ADAMTS18: variants seen among roughly 807,000 people sequenced by gnomAD.
ADAMTS18 encodes A disintegrin and metalloproteinase with thrombospondin motifs 18.
A neutral mutation model predicts 165.9 loss-of-function variants in ADAMTS18; 157 were observed. The ratio of observed to expected loss-of-function variants is 0.95; its 90% CI spans 0.83 to 1.08. ADAMTS18 has a LOEUF of 1.08. Among genes scored for constraint, ADAMTS18 ranks in the 50% least tolerant of loss-of-function variants. The probability of loss-of-function intolerance (pLI) is 0.00; values close to 1 mark genes in which losing one functional copy is unlikely to be tolerated. For synonymous variants in ADAMTS18, 782 were observed against 578.2 expected (o/e 1.35, Z -5.06); for missense variants, 2,040 against 1,534.0 (o/e 1.33, Z -5.51).
rs1218310627 is a variant in ADAMTS18 at position 77,283,046 on chromosome 16, C to T, written c.*910G>A. ...GTACAGAGCATTATAAATGATGGTC[C>T]TTTCTCCCTCAAAACACTGCTGTGT... On this transcript the variant is annotated 3_prime_UTR_variant, in exon 23 of 23. Coordinates refer to ENST00000282849, the MANE Select transcript of ADAMTS18 (RefSeq NM_199355.4). 1 of 151,788 alleles carries T rather than the reference C, an allele frequency of 6.6e-6. No individual in the cohort carries two copies. Among genetic ancestry groups the T allele is most frequent in the Non-Finnish European group, 1.5e-5 (1 of 67,978 alleles). 9.4% of individuals were successfully genotyped at this position (151,788 alleles called of 1,614,324 possible).
At chr16:77,316,922 A>T (rs79383578) in intron 16 of ADAMTS18, among the ~76,000 whole-genome samples, 2 of 151,932 alleles carry the variant, frequency 1.3e-5, no homozygotes, top group African/African-American at 2.4e-5. Flanking sequence ...CTACCTCAGC[A>T]TCCCAAAGTG....
rs2055172840 is a variant in ADAMTS18 at position 77,282,891 on chromosome 16, C to G, written c.*1065G>C. ...TGGATTTTTTTATTACCACTGTTTA[C>G]TCCTTTCTTTCTCTCTTTTTTTTTT... On this transcript the variant is annotated 3_prime_UTR_variant, in exon 23 of 23. Coordinates refer to ENST00000282849, the MANE Select transcript of ADAMTS18 (RefSeq NM_199355.4). 7.3e-6 allele frequency: 1 copy of G among 136,996 alleles called. No homozygotes were observed. The highest frequency in any genetic ancestry group is 2.7e-5 in the African/African-American group (1 of 37,692). 8.5% of individuals were successfully genotyped at this position (136,996 alleles called of 1,614,324 possible).
intron 3 of ADAMTS18, among the ~76,000 whole-genome samples, chr16:77,418,883 G>C (rs969530043): frequency 1.3e-5 from 2 of 152,220 alleles, no homozygotes; most frequent in African/African-American, 4.8e-5. Context: ...GAGTGCGGCA[G>C]CTCACGCCTG....
rs1597181028 is a variant in ADAMTS18 at position 77,367,828 on chromosome 16, G to A, written c.496-105C>T. ...GACTAATTCCTGTATGTGGGCACAG[G>A]AGCTAAAAGCTTCACACATATTGCC... On this transcript the variant is annotated intron_variant, in intron 3 of 22. Transcript: ENST00000282849. 32 of 1,342,808 alleles carry A rather than the reference G, an allele frequency of 2.4e-5. No individual in the cohort carries two copies. The South Asian group carries it at 3.7e-4, about 15-fold the overall frequency. The allele number at this position is 1,342,808 out of a possible 1,614,324, so 83.2% of individuals were successfully genotyped here.
intron 3 of ADAMTS18, among the ~76,000 whole-genome samples, chr16:77,388,181 C>T (rs1168713873): frequency 6.6e-6 from 1 of 152,200 alleles, no homozygotes; most frequent in African/African-American, 2.4e-5. Flanking sequence ...CTCACTGCAA[C>T]CTCCGCCTCC....
At chr16:77,290,056 T>A (rs774525610) in intron 21 of ADAMTS18, among the ~76,000 whole-genome samples, 4 of 152,132 alleles carry the variant, frequency 2.6e-5, no homozygotes, top group Non-Finnish European at 5.9e-5. Flanking sequence ...AATGGATTTT[T>A]CTTATTTTAA....
chr16:77,431,183 CA>C, intron 3 of ADAMTS18, 111 bp downstream of exon 3: 2 of 1,120,602 alleles, frequency 1.8e-6, no homozygotes, highest in Non-Finnish European at 2.7e-6. Context: ...TCAAGGCTGA[CA>C]GTGTGAATGT....
At chr16:77,297,664 T>C (rs1371955265) in intron 17 of ADAMTS18, among the ~76,000 whole-genome samples, 1 of 152,080 alleles carries the variant, frequency 6.6e-6, no homozygotes, top group Non-Finnish European at 1.5e-5. Flanking sequence ...CTGATGTGGA[T>C]ACTAGAACCA....
chr16:77,418,694 C>T (rs979932064), intron 3 of ADAMTS18, among the ~76,000 whole-genome samples: 1 of 152,172 alleles, frequency 6.6e-6, no homozygotes, highest in African/African-American at 2.4e-5. Context: ...TCTCTTTGGG[C>T]TTACTGTCTT....
chr16:77,346,796 C>A (rs1488904727), intron 10 of ADAMTS18, among the ~76,000 whole-genome samples: 1 of 152,112 alleles, frequency 6.6e-6, no homozygotes, highest in Non-Finnish European at 1.5e-5. Flanking sequence ...TGCCCCGATG[C>A]CATTTTAAAA....
In ADAMTS18 at chr16:77,293,217, G is replaced by T; in HGVS notation, c.3048C>A (p.Leu1016=). Residue 1016 remains leucine, a synonymous_variant, in exon 20 of 23, where the codon CTC becomes CTA. Coordinates refer to ENST00000282849, the MANE Select transcript of ADAMTS18 (RefSeq NM_199355.4). ...TCGRGVRKRE[L]LCKGSAAETL... ...TTTCTGCGGCAGAGCCCTTGCAGAGGAGTTCACGCTTCCTCACCCCTCGTC... is the reference window on the plus strand; with the variant it reads ...TTTCTGCGGCAGAGCCCTTGCAGAGTAGTTCACGCTTCCTCACCCCTCGTC... 1 of 1,613,896 alleles carries T rather than the reference G, an allele frequency of 6.2e-7. No homozygotes were observed. The highest frequency in any genetic ancestry group is 8.5e-7 in the Non-Finnish European group (1 of 1,179,968).
Position 77,291,209 on chromosome 16 carries a change from G to A in ADAMTS18, c.3402+57C>T, listed in dbSNP as rs910213529. 111 of 1,571,498 alleles carry A rather than the reference G, an allele frequency of 7.1e-5. 1 individual carries two copies. In the East Asian group the frequency reaches 1.4e-3, roughly 20 times the overall value. On this transcript the variant is annotated intron_variant, in intron 21 of 22. Coordinates refer to ENST00000282849, the MANE Select transcript of ADAMTS18 (RefSeq NM_199355.4). ...GACTAAGAGCAACTGTTTGCAGAAC[G>A]CCTCATTTTTCGACATCTCACTTGA...
intron 16 of ADAMTS18, among the ~76,000 whole-genome samples, 192 bp downstream of exon 16, chr16:77,319,657 G>A (rs1404330958): frequency 6.6e-6 from 1 of 152,032 alleles, no homozygotes; most frequent in Non-Finnish European, 1.5e-5. Flanking sequence ...TGGCTAGGGT[G>A]GTCTCCAACT....
Position 77,391,071 on chromosome 16 carries a change from C to CAA in ADAMTS18, c.496-23349_496-23348insTT, listed in dbSNP as rs1233892305. 2.8e-4 allele frequency among the ~76,000 whole-genome samples: 42 copies of CAA among 152,228 alleles called. No homozygotes were observed. In the East Asian group the frequency reaches 7.9e-3, roughly 29 times the overall value. On this transcript the variant is annotated intron_variant, in intron 3 of 22. Transcript: ENST00000282849. Reference sequence around the variant, plus strand: ...ACATTTACATTTTGTTTTTCCTTTTCATCTAAAAGACATCAAGCCACTTCT... The same window carrying CAA: ...ACATTTACATTTTGTTTTTCCTTTTCAAATCTAAAAGACATCAAGCCACTTCT...
chr16:77,285,503 C>T (rs550779278), intron 22 of ADAMTS18, among the ~76,000 whole-genome samples: 2 of 150,972 alleles, frequency 1.3e-5, no homozygotes, highest in Non-Finnish European at 2.9e-5. Context: ...ACAGTTTTGA[C>T]TTTAAAAATA....
At position 77,399,100 on chromosome 16, in the gene ADAMTS18, T is replaced by C. The variant is rs139154714; in HGVS notation, c.496-31377A>G. ...TGCCTCCCACCCCACTTTCATTCCA[T>C]GTGATTCAGCTAGAAGCTAGACCCA... On this transcript the variant is annotated intron_variant, in intron 3 of 22. Transcript: ENST00000282849. 3.3e-5 allele frequency among the ~76,000 whole-genome samples: 5 copies of C among 152,306 alleles called. No individual in the cohort carries two copies. In the East Asian group the frequency reaches 9.6e-4, roughly 29 times the overall value.
At chr16:77,308,289 C>T (rs2055717619) in intron 16 of ADAMTS18, among the ~76,000 whole-genome samples, 4 of 152,176 alleles carry the variant, frequency 2.6e-5, no homozygotes, top group Admixed American at 1.3e-4. Context: ...TCATGTCATA[C>T]TGAATCACTT....
rs190554761 is a variant in ADAMTS18 at position 77,419,169 on chromosome 16, A to T, written c.495+12126T>A. Among the ~76,000 whole-genome samples, 54 of 152,016 alleles carry T rather than the reference A, an allele frequency of 3.6e-4. 1 individual carries two copies. In the East Asian group the frequency reaches 0.01, roughly 29 times the overall value. ...ATCTCAGGGGGAAAAAAAATCAATT[A>T]TTAACTCCCAGTTGTGTAAGTCTGA... On this transcript the variant is annotated intron_variant, in intron 3 of 22. Transcript: ENST00000282849.
intron 16 of ADAMTS18, among the ~76,000 whole-genome samples, chr16:77,313,861 T>C (rs2144622614): frequency 6.6e-6 from 1 of 152,308 alleles, no homozygotes; most frequent in Middle Eastern, 3.4e-3. Flanking sequence ...AGATGCTTAG[T>C]AGAAAAGAAA....
Sources: gnomAD v4.1 joint callset for allele counts (sites outside exome capture counted in the v4.1 genomes callset) on GRCh38, gnomAD v4.1.1 for gene constraint, MANE v1.5 for transcripts, NCBI Gene and HGNC (gene_info 2026-07-23, HGNC 2026-07-21) for gene names.